The following STARD13 variants were observed in gnomAD, a reference collection of about 807,000 sequenced individuals.
STARD13 encodes the protein StAR related lipid transfer domain containing 13, also known as stAR-related lipid transfer protein 13.
Under a neutral mutation model 106.4 loss-of-function variants are expected in STARD13, and 62 were observed. That is an observed-to-expected ratio of 0.58 (90% confidence interval 0.48 to 0.72). STARD13 has a LOEUF of 0.72. Ranked by LOEUF, STARD13 falls within the 30% of genes least tolerant of loss-of-function variation. The pLI is 0.00. For synonymous variants in STARD13, 565 were observed against 553.0 expected (o/e 1.02, Z -0.31); for missense variants, 1,387 against 1,424.0 (o/e 0.97, Z 0.42).
the STARD13 span, among the ~76,000 whole-genome samples, chr13:33,670,846 A>G: frequency 6.6e-6 from 1 of 152,162 alleles, no homozygotes; most frequent in East Asian, 1.9e-4. Flanking sequence ...CTTGTCTCCC[A>G]TGATACCATG....
the STARD13 span, among the ~76,000 whole-genome samples, chr13:33,628,017 T>G: frequency 3.3e-5 from 5 of 150,122 alleles, no homozygotes; most frequent in African/African-American, 1.2e-4. Context: ...CAGGCTGGAG[T>G]GCAGTGGCAC....
chr13:33,572,804 G>A, the STARD13 span, among the ~76,000 whole-genome samples: 1,784 of 152,196 alleles, frequency 0.012, 31 homozygotes, highest in African/African-American at 0.039. Flanking sequence ...TGATGTATAG[G>A]CATTATATTA....
the STARD13 span, among the ~76,000 whole-genome samples, chr13:33,420,364 T>C: frequency 1.3e-5 from 2 of 152,284 alleles, no homozygotes; most frequent in Admixed American, 6.5e-5. Flanking sequence ...AAGAAGGCCA[T>C]TACATAATGG....
In STARD13 at chr13:33,104,869, A is replaced by C. The variant is rs1406410722; in HGVS notation, c.*724T>G. 1 of 153,546 alleles carries C rather than the reference A, an allele frequency of 6.5e-6. No homozygotes were observed. The highest frequency in any genetic ancestry group is 2.4e-5 in the African/African-American group (1 of 41,422). The allele number at this position is 153,546 out of a possible 1,614,324, so 9.5% of individuals were successfully genotyped here. A position where few individuals can be genotyped will look rare whatever the true frequency, so the allele number is the denominator to read the frequency against. ...AGTGGCAACTCCTCATCTAGCTTTA[A>C]ATTTGGTAATGACTTCTCACCCCCC... On this transcript the variant is annotated 3_prime_UTR_variant, in exon 14 of 14. Coordinates refer to ENST00000336934, the MANE Select transcript of STARD13 (RefSeq NM_178006.4).
In STARD13 at chr13:33,129,656, T is replaced by C. The variant is rs1566008004; in HGVS notation, c.1021A>G (p.Ser341Gly). The change falls in exon 5 of 14, where the codon AGC becomes GGC. Residue 341 changes from serine (S) to glycine (G), a missense_variant. Coordinates refer to ENST00000336934, the MANE Select transcript of STARD13 (RefSeq NM_178006.4). Reference sequence around the variant, plus strand: ...TTCAGGCAGGGCGTGCTCACCCCGCTGCTGCTGTGCTCCGACGGGCTGCTC... The same window carrying C: ...TTCAGGCAGGGCGTGCTCACCCCGCCGCTGCTGTGCTCCGACGGGCTGCTC... ...GESSPSEHSS[S>G]GVSTPCLKER... 6.2e-7 allele frequency: 1 copy of C among 1,614,014 alleles called. No homozygotes were observed. Among genetic ancestry groups the C allele is most frequent in the Non-Finnish European group, 8.5e-7 (1 of 1,180,028 alleles).
At chr13:33,456,318 T>C in the STARD13 span, among the ~76,000 whole-genome samples, 37 of 152,108 alleles carry the variant, frequency 2.4e-4, no homozygotes, top group African/African-American at 8.9e-4. Flanking sequence ...GCCTCCCAAG[T>C]AGCTAGGATT....
At chr13:33,111,014 G>A (rs532766188) in intron 10 of STARD13, 107 bp from the exon 11 acceptor site, 19 of 937,674 alleles carry the variant, frequency 2.0e-5, no homozygotes, top group South Asian at 7.4e-5. Context: ...GCCACGGGCC[G>A]AGGGCCACAC....
chr13:33,360,785 AT>A, the STARD13 span, among the ~76,000 whole-genome samples: 171 of 129,310 alleles, frequency 1.3e-3, 2 homozygotes, highest in African/African-American at 4.5e-3. Context: ...TTATATGTGG[AT>A]TTTTTTTCTT....
chr13:33,339,722 A>G (rs1305701451), intron 1 of STARD13, among the ~76,000 whole-genome samples: 1 of 152,154 alleles, frequency 6.6e-6, no homozygotes, highest in Admixed American at 6.5e-5. Flanking sequence ...AGCTTTTTTG[A>G]CTTATGTTCA....
At chr13:33,360,086 T>C in the STARD13 span, among the ~76,000 whole-genome samples, 1 of 152,248 alleles carries the variant, frequency 6.6e-6, no homozygotes. Flanking sequence ...TTCCTTGTTA[T>C]CAGTAACAGA....
At chr13:33,500,430 A>C in the STARD13 span, among the ~76,000 whole-genome samples, 1 of 152,250 alleles carries the variant, frequency 6.6e-6, no homozygotes, top group African/African-American at 2.4e-5. Flanking sequence ...AATTTCCTAC[A>C]GTTCTGTATC....
At chr13:33,371,016 T>A in the STARD13 span, among the ~76,000 whole-genome samples, 3 of 152,328 alleles carry the variant, frequency 2.0e-5, no homozygotes, top group Admixed American at 6.5e-5. Context: ...TCAATTCACT[T>A]CATCTCTAAA....
rs1873400652 is a variant in STARD13, at chr13:33,104,061, A to G, written c.*1532T>C. 6.6e-6 allele frequency: 1 copy of G among 152,204 alleles called. No individual in the cohort carries two copies. Among genetic ancestry groups the G allele is most frequent in the African/African-American group, 2.4e-5 (1 of 41,450 alleles). The allele number at this position is 152,204 out of a possible 1,614,324, so 9.4% of individuals were successfully genotyped here. On this transcript the variant is annotated 3_prime_UTR_variant, in exon 14 of 14. Coordinates refer to ENST00000336934, the MANE Select transcript of STARD13 (RefSeq NM_178006.4). Reference sequence around the variant, plus strand: ...TTGCTGATAACAGAAACATTACATAAATGCATATAATGCAAAAAAACCTGA... The same window carrying G: ...TTGCTGATAACAGAAACATTACATAGATGCATATAATGCAAAAAAACCTGA...
the STARD13 span, among the ~76,000 whole-genome samples, chr13:33,600,421 G>A: frequency 6.6e-6 from 1 of 152,130 alleles, no homozygotes; most frequent in African/African-American, 2.4e-5. Flanking sequence ...TGGTATTTTG[G>A]TTATATAGAA....
At chr13:33,555,815 ATAAGT>A in the STARD13 span, among the ~76,000 whole-genome samples, 2 of 152,344 alleles carry the variant, frequency 1.3e-5, no homozygotes, top group African/African-American at 4.8e-5. Context: ...ATCACATGAA[ATAAGT>A]TAGGTAAATG....
the STARD13 span, among the ~76,000 whole-genome samples, chr13:33,475,406 G>C: frequency 6.6e-6 from 1 of 152,074 alleles, no homozygotes; most frequent in Admixed American, 6.5e-5. Context: ...AATTGGTTCT[G>C]TGGATACTCA....
the STARD13 span, among the ~76,000 whole-genome samples, chr13:33,363,266 CCTT>C: frequency 6.6e-6 from 1 of 152,208 alleles, no homozygotes; most frequent in Non-Finnish European, 1.5e-5. Flanking sequence ...ACTTTCAAAA[CCTT>C]CTCAGTACAC....
At chr13:33,399,509 A>G in the STARD13 span, among the ~76,000 whole-genome samples, 6 of 152,020 alleles carry the variant, frequency 3.9e-5, no homozygotes, top group Non-Finnish European at 7.4e-5. Context: ...CCTGGCTAAC[A>G]CAGTGAAACC....
At chr13:33,540,903 C>T in the STARD13 span, among the ~76,000 whole-genome samples, 1 of 152,170 alleles carries the variant, frequency 6.6e-6, no homozygotes, top group Non-Finnish European at 1.5e-5. Flanking sequence ...GTCCACCCAA[C>T]AGTTAACAGG....
Sources: gnomAD v4.1 joint callset for allele counts (sites outside exome capture counted in the v4.1 genomes callset) on GRCh38, gnomAD v4.1.1 for gene constraint, MANE v1.5 for transcripts, NCBI Gene and HGNC (gene_info 2026-07-23, HGNC 2026-07-21) for gene names.